Variants in SUPT16H observed in about 807,000 individuals in gnomAD.
The protein encoded by SUPT16H is FACT complex subunit SPT16.
A neutral mutation model predicts 136.2 loss-of-function variants in SUPT16H; 24 were observed. That is an observed-to-expected ratio of 0.18 (90% CI 0.13 to 0.25). The LOEUF is 0.25. SUPT16H is among the 10% of genes least tolerant of loss of function. The pLI is 1.00. For missense variants in SUPT16H, 623 were observed against 1,270.2 expected (o/e 0.49, Z 7.74); for synonymous variants, 415 against 428.2 (o/e 0.97, Z 0.38).
At chr14:21,352,922 C>A in intron 25 of SUPT16H, 104 bp from the exon 26 acceptor site, 1 of 1,476,412 alleles carries the variant, frequency 6.8e-7, no homozygotes, top group Non-Finnish European at 9.3e-7. Flanking sequence ...GAATCAGACC[C>A]AAGTTTTAAT....
intron 21 of SUPT16H, 119 bp downstream of exon 21, chr14:21,357,808 G>T: frequency 1.0e-6 from 1 of 996,474 alleles, no homozygotes. Flanking sequence ...TTTGTTCAAT[G>T]AGTTTTAAGT....
In SUPT16H at chr14:21,366,316, T is replaced by C. The variant is rs551277313; in HGVS notation, c.1046+123A>G. 5.6e-5 allele frequency: 48 copies of C among 859,690 alleles called. 2 individuals carry two copies. Among genetic ancestry groups the C allele is most frequent in the African/African-American group, 1.2e-4 (7 of 59,440 alleles). 53.3% of individuals were successfully genotyped at this position (859,690 alleles called of 1,614,324 possible). A position where few individuals can be genotyped will look rare whatever the true frequency, so the allele number is the denominator to read the frequency against. On this transcript the variant is annotated intron_variant, in intron 8 of 25. Coordinates refer to ENST00000216297, the MANE Select transcript of SUPT16H (RefSeq NM_007192.4). Reference sequence around the variant, plus strand: ...CTGATAACATCATGTGCCTGGCACATAGTATAGTTTGCTAGTCCATAAATG... The same window carrying C: ...CTGATAACATCATGTGCCTGGCACACAGTATAGTTTGCTAGTCCATAAATG...
At chr14:21,377,360 A>T (rs1458605424) in intron 1 of SUPT16H, among the ~76,000 whole-genome samples, 1 of 152,252 alleles carries the variant, frequency 6.6e-6, no homozygotes, top group Non-Finnish European at 1.5e-5. Flanking sequence ...AAATAGAATC[A>T]TATCAGCCTT....
At chr14:21,360,579 G>A (rs1266052740) in intron 17 of SUPT16H, 46 bp from the exon 18 acceptor site, 3 of 1,519,714 alleles carry the variant, frequency 2.0e-6, no homozygotes, top group Non-Finnish European at 2.7e-6. Flanking sequence ...ATTAAGTTAG[G>A]CCAAAAGGCA....
intron 14 of SUPT16H, 86 bp from the exon 15 acceptor site, chr14:21,362,410 T>C: frequency 7.3e-7 from 1 of 1,374,962 alleles, no homozygotes; most frequent in Non-Finnish European, 9.9e-7. Flanking sequence ...AGTTAGGAGT[T>C]ACAAATTGAC....
At chr14:21,383,786 A>G (rs1292895447) in intron 1 of SUPT16H, 76 bp downstream of exon 1, 2 of 1,556,108 alleles carry the variant, frequency 1.3e-6, no homozygotes, top group East Asian at 4.5e-5. Flanking sequence ...GAAAGAGAAA[A>G]AAGGGCGCCG....
intron 8 of SUPT16H, 48 bp from the exon 9 acceptor site, chr14:21,365,191 A>G (rs1886639882): frequency 6.6e-7 from 1 of 1,522,674 alleles, no homozygotes; most frequent in Non-Finnish European, 9.1e-7. Context: ...GATCTCTAAC[A>G]TGGATCAAGC....
At chr14:21,367,439 G>C (rs1886695754) in intron 7 of SUPT16H, among the ~76,000 whole-genome samples, 1 of 152,200 alleles carries the variant, frequency 6.6e-6, no homozygotes, top group East Asian at 1.9e-4. Context: ...TCAGGATCTA[G>C]ACTATGAATG....
intron 15 of SUPT16H, among the ~76,000 whole-genome samples, chr14:21,361,814 G>C (rs547825345): frequency 6.6e-6 from 1 of 151,820 alleles, no homozygotes; most frequent in Non-Finnish European, 1.5e-5. Flanking sequence ...TGCTCAGGCT[G>C]GATGGAGTAC....
intron 22 of SUPT16H, among the ~76,000 whole-genome samples, chr14:21,355,906 C>T (rs978270251): frequency 5.9e-5 from 9 of 152,188 alleles, no homozygotes; most frequent in Non-Finnish European, 1.0e-4. Context: ...TTTACTTTCC[C>T]ACCTTAAACA....
chr14:21,380,296 A>ATTTT (rs60588939), intron 1 of SUPT16H, among the ~76,000 whole-genome samples: 50 of 112,032 alleles, frequency 4.5e-4, no homozygotes, highest in Middle Eastern at 6.0e-3. Flanking sequence ...GGAAGACTGA[A>ATTTT]TTTTTTTTTT....
Position 21,357,350 on chromosome 14 carries a change from G to A in SUPT16H, c.2507C>T (p.Thr836Ile). Reference protein sequence around the residue: ...NATEWPPFVVTLDEVELIHFE... With the variant: ...NATEWPPFVVILDEVELIHFE... ...GTGGATCAGCTCTACCTCATCCAAT[G>A]TCACCACAAAAGGTGGCTGTCAGGG... is the stretch of plus-strand genomic sequence containing the variant. The change falls in exon 22 of 26, where the codon ACA becomes ATA. Residue 836 changes from threonine (T) to isoleucine (I), a missense_variant. Around this residue, in one of 7 missense-constraint regions of SUPT16H, gnomAD observed 74 missense variants for 193.8 expected, o/e 0.38. Transcript: ENST00000216297. 1 of 1,590,188 alleles carries A rather than the reference G, an allele frequency of 6.3e-7. No homozygotes were observed. Among genetic ancestry groups the A allele is most frequent in the Non-Finnish European group, 8.6e-7 (1 of 1,169,116 alleles).
chr14:21,357,668 T>A (rs1886463895), intron 21 of SUPT16H, among the ~76,000 whole-genome samples: 1 of 151,936 alleles, frequency 6.6e-6, no homozygotes, highest in Non-Finnish European at 1.5e-5. Flanking sequence ...GAGAGATAGG[T>A]TCTTGCTATG....
At chr14:21,362,450 A>G in intron 14 of SUPT16H, 126 bp from the exon 15 acceptor site, 1 of 904,996 alleles carries the variant, frequency 1.1e-6, no homozygotes, top group Non-Finnish European at 1.6e-6. Context: ...AATCTAATAA[A>G]TTTACATAAT....
intron 1 of SUPT16H, among the ~76,000 whole-genome samples, chr14:21,381,315 C>A (rs73579650): frequency 0.016 from 2,420 of 152,188 alleles, 67 homozygotes; most frequent in African/African-American, 0.054. Context: ...GCAATAGCCT[C>A]AAAATATGTA....
At chr14:21,369,499 G>A in intron 5 of SUPT16H, 144 bp from the exon 6 acceptor site, 1 of 1,125,916 alleles carries the variant, frequency 8.9e-7, no homozygotes, top group South Asian at 1.6e-5. Flanking sequence ...TGGTATGCAG[G>A]CAAAACACAT....
chr14:21,360,973 C>T lies in SUPT16H; in HGVS notation c.1930-1G>A. ...CCAGTGAGTCTTGTTTTACAATCCCCTAAGCAAGAAGAAAATTAATGTGAA... is the reference window on the plus strand; with the variant it reads ...CCAGTGAGTCTTGTTTTACAATCCCTTAAGCAAGAAGAAAATTAATGTGAA... On this transcript the variant is annotated splice_acceptor_variant, in intron 16 of 25. Coordinates refer to ENST00000216297, the MANE Select transcript of SUPT16H (RefSeq NM_007192.4). LOFTEE classifies it high-confidence loss of function. 1 of 1,612,658 alleles carries T rather than the reference C, an allele frequency of 6.2e-7. No homozygotes were observed. The highest frequency in any genetic ancestry group is 8.5e-7 in the Non-Finnish European group (1 of 1,179,398).
At chr14:21,357,407 C>T in intron 21 of SUPT16H, 41 bp from the exon 22 acceptor site, 1 of 1,480,606 alleles carries the variant, frequency 6.8e-7, no homozygotes, top group Non-Finnish European at 9.0e-7. Context: ...TAAGTATTTC[C>T]CCCAAAGCAA....
chr14:21,367,141 G>A (rs114607836), intron 7 of SUPT16H, among the ~76,000 whole-genome samples: 3,190 of 152,190 alleles, frequency 0.021, 113 homozygotes, highest in African/African-American at 0.074. Context: ...GGGTTTCGCC[G>A]TGTTAGCCAG....
Sources: gnomAD v4.1 joint callset for allele counts (sites outside exome capture counted in the v4.1 genomes callset) on GRCh38, gnomAD v4.1.1 for gene constraint, gnomAD v4.1.1 regional missense constraint, MANE v1.5 for transcripts, NCBI Gene and HGNC (gene_info 2026-07-23, HGNC 2026-07-21) for gene names.